ATOSA: variants seen among roughly 807,000 people sequenced by gnomAD.
The protein encoded by ATOSA is atos homolog A.
the ATOSA span, among the ~76,000 whole-genome samples, chr15:52,687,033 C>A: frequency 6.6e-6 from 1 of 152,124 alleles, no homozygotes; most frequent in Non-Finnish European, 1.5e-5. Flanking sequence ...CTTTGCTGGG[C>A]CCTAGAGATA....
the ATOSA span, among the ~76,000 whole-genome samples, chr15:52,653,162 G>A: frequency 3.3e-5 from 5 of 152,234 alleles, no homozygotes; most frequent in East Asian, 3.9e-4. Context: ...GAAGCATGCC[G>A]TTTATTACTC....
At chr15:52,605,010 T>C in the ATOSA span, 1 of 666,750 alleles carries the variant, frequency 1.5e-6, no homozygotes, top group Non-Finnish European at 2.5e-6. Context: ...AAAAATAAAA[T>C]GTTTCCTTAC....
At chr15:52,587,467 G>C in the ATOSA span, 2 of 299,916 alleles carry the variant, frequency 6.7e-6, no homozygotes, top group African/African-American at 4.4e-5. Flanking sequence ...TTACTATTAA[G>C]ATATAGGAAT....
chr15:52,674,004 A>G, the ATOSA span, among the ~76,000 whole-genome samples: 1 of 152,344 alleles, frequency 6.6e-6, no homozygotes, highest in East Asian at 1.9e-4. Context: ...CAGATTTTGC[A>G]CTACTAGTTT....
At chr15:52,610,398 A>T in the ATOSA span, 1 of 1,587,082 alleles carries the variant, frequency 6.3e-7, no homozygotes, top group Admixed American at 1.8e-5. Context: ...AATCACACAG[A>T]AAAATACTGT....
chr15:52,678,797 C>G, the ATOSA span: 1 of 153,030 alleles, frequency 6.5e-6, no homozygotes, highest in African/African-American at 2.4e-5. Context: ...CGTCCCGCCG[C>G]GGCCCCGGAT....
chr15:52,605,130 T>C, the ATOSA span: 91 of 1,598,650 alleles, frequency 5.7e-5, no homozygotes, highest in Admixed American at 1.6e-3. Flanking sequence ...AAAAAATGCT[T>C]ACAGGGCTTG....
chr15:52,697,644 T>G, the ATOSA span, among the ~76,000 whole-genome samples: 2 of 152,104 alleles, frequency 1.3e-5, no homozygotes, highest in Non-Finnish European at 2.9e-5. Context: ...AAATAAATGT[T>G]TGCAAACCAG....
the ATOSA span, among the ~76,000 whole-genome samples, chr15:52,604,252 T>C: frequency 6.6e-6 from 1 of 152,356 alleles, no homozygotes; most frequent in East Asian, 1.9e-4. Context: ...AAACCCCGTC[T>C]CTACTAAAAA....
chr15:52,681,850 G>A, the ATOSA span, among the ~76,000 whole-genome samples: 1 of 152,152 alleles, frequency 6.6e-6, no homozygotes, highest in Non-Finnish European at 1.5e-5. Flanking sequence ...CTGTCTCTAA[G>A]TTCTTTTACT....
At chr15:52,701,321 C>A in the ATOSA span, among the ~76,000 whole-genome samples, 15 of 152,116 alleles carry the variant, frequency 9.9e-5, no homozygotes, top group South Asian at 2.1e-4. Flanking sequence ...AGCCTGTAAT[C>A]CCAGCTACTT....
At chr15:52,593,469 T>C in the ATOSA span, 1 of 1,077,128 alleles carries the variant, frequency 9.3e-7, no homozygotes, top group South Asian at 1.9e-5. Flanking sequence ...TAGTTTGTAT[T>C]CAGCTGTTAG....
chr15:52,629,112 C>T, the ATOSA span, among the ~76,000 whole-genome samples: 1 of 152,140 alleles, frequency 6.6e-6, no homozygotes, highest in African/African-American at 2.4e-5. Context: ...CAAACATAGT[C>T]ATTTTTTGTG....
the ATOSA span, among the ~76,000 whole-genome samples, chr15:52,679,716 A>G: frequency 2.7e-5 from 4 of 150,278 alleles, no homozygotes; most frequent in Admixed American, 2.6e-4. Flanking sequence ...ATGTCATCCA[A>G]AGGCCTGCCC....
the ATOSA span, among the ~76,000 whole-genome samples, chr15:52,670,247 T>C: frequency 6.6e-6 from 1 of 152,210 alleles, no homozygotes; most frequent in Non-Finnish European, 1.5e-5. Context: ...ATTTCCTCAG[T>C]GCAGCTGTTC....
chr15:52,657,883 T>A, the ATOSA span: 2 of 152,156 alleles, frequency 1.3e-5, no homozygotes, highest in African/African-American at 4.8e-5. Context: ...AAAGAAAAAA[T>A]CAGTCATCAT....
chr15:52,657,956 G>A, the ATOSA span: 1 of 152,284 alleles, frequency 6.6e-6, no homozygotes, highest in African/African-American at 2.4e-5. Flanking sequence ...ATGTTGTCAT[G>A]GGGGAGCAAT....
chr15:52,607,576 T>C, the ATOSA span, among the ~76,000 whole-genome samples: 5 of 152,152 alleles, frequency 3.3e-5, no homozygotes, highest in Non-Finnish European at 7.4e-5. Context: ...GCTACTGGTA[T>C]GTCATTCTCT....
At chr15:52,657,486 T>G in the ATOSA span, 1 of 152,224 alleles carries the variant, frequency 6.6e-6, no homozygotes, top group African/African-American at 2.4e-5. Flanking sequence ...CCTCAAACTC[T>G]AGCATGTCTA....
Sources: gnomAD v4.1 joint callset for allele counts (sites outside exome capture counted in the v4.1 genomes callset) on GRCh38, gnomAD v4.1.1 for gene constraint, MANE v1.5 for transcripts, NCBI Gene and HGNC (gene_info 2026-07-23, HGNC 2026-07-21) for gene names.